SLC9A9: variants seen among roughly 807,000 people sequenced by gnomAD.
The protein encoded by SLC9A9 is sodium/hydrogen exchanger 9.
SLC9A9 carries 62 observed loss-of-function variants against 77.8 expected under a neutral mutation model. That is an observed-to-expected ratio of 0.80 (90% confidence interval 0.65 to 0.98). The LOEUF is 0.98. Among genes scored for constraint, SLC9A9 ranks in the 50% least tolerant of loss-of-function variants. SLC9A9 has a pLI of 0.00. For missense variants in SLC9A9, 775 were observed against 774.9 expected, an observed-to-expected ratio of 1.00 and a Z score of 0.00; for synonymous variants, 320 against 283.5, an observed-to-expected ratio of 1.13 and a Z score of -1.29.
chr3:143,480,185 G>C (rs571065343), intron 11 of SLC9A9, among the ~76,000 whole-genome samples: 1 of 152,282 alleles, frequency 6.6e-6, no homozygotes, highest in South Asian at 2.1e-4. Context: ...ATATTGTGGT[G>C]TGCCAAATAG....
intron 14 of SLC9A9, among the ~76,000 whole-genome samples, chr3:143,304,929 G>C (rs947851067): frequency 1.3e-5 from 2 of 152,144 alleles, no homozygotes; most frequent in African/African-American, 4.8e-5. Flanking sequence ...CCTCCTGCTG[G>C]TGTTTATAAC....
chr3:143,818,764 G>A (rs2009085814), intron 2 of SLC9A9, among the ~76,000 whole-genome samples: 1 of 152,082 alleles, frequency 6.6e-6, no homozygotes, highest in African/African-American at 2.4e-5. Context: ...AGAAAACTTA[G>A]TATTATGAAT....
At chr3:143,425,210 T>A (rs1247496368) in intron 12 of SLC9A9, among the ~76,000 whole-genome samples, 1 of 152,014 alleles carries the variant, frequency 6.6e-6, no homozygotes, top group African/African-American at 2.4e-5. Context: ...AACAGATATG[T>A]TTATAATCAT....
chr3:143,776,141 C>A (rs927147784), intron 4 of SLC9A9, among the ~76,000 whole-genome samples: 5 of 152,138 alleles, frequency 3.3e-5, no homozygotes, highest in Non-Finnish European at 5.9e-5. Context: ...CCACAATTTT[C>A]TGGCCTAATT....
intron 14 of SLC9A9, among the ~76,000 whole-genome samples, chr3:143,328,512 C>G (rs1489200700): frequency 6.6e-6 from 1 of 152,156 alleles, no homozygotes; most frequent in East Asian, 1.9e-4. Flanking sequence ...CTGGATAACC[C>G]TAACTGTGTT....
intron 12 of SLC9A9, among the ~76,000 whole-genome samples, chr3:143,394,195 A>T (rs560323494): frequency 6.6e-6 from 1 of 152,308 alleles, no homozygotes; most frequent in East Asian, 1.9e-4. Context: ...TCAATGCAAA[A>T]ATCCTCAATA....
chr3:143,527,417 T>C (rs988637773), intron 9 of SLC9A9, among the ~76,000 whole-genome samples: 11 of 152,310 alleles, frequency 7.2e-5, no homozygotes, highest in Non-Finnish European at 4.4e-5. Context: ...AAAAATTAGA[T>C]AACAGTAGCA....
At chr3:143,359,491 GA>G (rs2032681795) in intron 14 of SLC9A9, among the ~76,000 whole-genome samples, 1 of 152,140 alleles carries the variant, frequency 6.6e-6, no homozygotes. Context: ...AGAGGTAAAG[GA>G]AGGAAGCAAG....
intron 4 of SLC9A9, among the ~76,000 whole-genome samples, chr3:143,699,449 A>G (rs1051297124): frequency 6.6e-6 from 1 of 152,186 alleles, no homozygotes; most frequent in Non-Finnish European, 1.5e-5. Context: ...TGAAATGCCA[A>G]TGCCACTCCT....
intron 13 of SLC9A9, among the ~76,000 whole-genome samples, chr3:143,380,457 G>C (rs2033277749): frequency 2.2e-5 from 1 of 45,306 alleles, no homozygotes; most frequent in African/African-American, 1.3e-4. Context: ...ACAAAATTTA[G>C]ATAAAAGTTT....
chr3:143,420,559 T>C (rs188812669), intron 12 of SLC9A9, among the ~76,000 whole-genome samples: 1 of 148,362 alleles, frequency 6.7e-6, no homozygotes, highest in African/African-American at 2.4e-5. Flanking sequence ...ACATGATCAT[T>C]TTAACTTGTG....
At position 143,642,802 on chromosome 3, in the gene SLC9A9, T is replaced by C. The variant is rs190353508; in HGVS notation, c.755+9453A>G. On this transcript the variant is annotated intron_variant, in intron 6 of 15. Transcript: ENST00000316549. ...CTTTATATTCTGTTTCATCGCTGGG[T>C]TTAATATGACATTTATGTCATTCCC... Among the ~76,000 whole-genome samples the C allele has an allele frequency of 2.0e-5, 3 of 152,312 alleles. No homozygotes were observed. In the East Asian group the frequency reaches 5.8e-4, roughly 29 times the overall value.
At chr3:143,448,502 T>G (rs747780950) in intron 12 of SLC9A9, among the ~76,000 whole-genome samples, 25 of 152,106 alleles carry the variant, frequency 1.6e-4, no homozygotes, top group Non-Finnish European at 1.8e-4. Context: ...AGAAAATTGT[T>G]AGGCATCCTC....
At chr3:143,768,379 C>T (rs1266788067) in intron 4 of SLC9A9, among the ~76,000 whole-genome samples, 2 of 152,042 alleles carry the variant, frequency 1.3e-5, no homozygotes, top group African/African-American at 4.8e-5. Context: ...GTATTTTATG[C>T]CCAAGTTATA....
chr3:143,513,677 T>C (rs558378526), intron 9 of SLC9A9, among the ~76,000 whole-genome samples: 4 of 152,238 alleles, frequency 2.6e-5, no homozygotes, highest in Non-Finnish European at 4.4e-5. Context: ...TTGCAAAATG[T>C]ATTCCTTAAA....
At chr3:143,743,239 ATG>A (rs1491334970) in intron 4 of SLC9A9, among the ~76,000 whole-genome samples, 15 of 133,638 alleles carry the variant, frequency 1.1e-4, no homozygotes, top group East Asian at 4.3e-4. Flanking sequence ...GGATGGATGG[ATG>A]GATAGATAGA....
At chr3:143,649,566 T>A (rs1016956618) in intron 6 of SLC9A9, among the ~76,000 whole-genome samples, 1 of 152,192 alleles carries the variant, frequency 6.6e-6, no homozygotes, top group African/African-American at 2.4e-5. Flanking sequence ...ATAATAGGCT[T>A]CTTATATTAG....
At chr3:143,707,400 A>ACACACACACACC (rs549058822) in intron 4 of SLC9A9, among the ~76,000 whole-genome samples, 11 of 145,002 alleles carry the variant, frequency 7.6e-5, no homozygotes, top group African/African-American at 2.8e-4. Context: ...ACACACACAC[A>ACACACACACACC]CCCCAGCTGG....
intron 6 of SLC9A9, among the ~76,000 whole-genome samples, chr3:143,629,957 G>C (rs955410345): frequency 3.3e-5 from 5 of 151,992 alleles, no homozygotes; most frequent in African/African-American, 1.2e-4. Flanking sequence ...CAGCAGCAGA[G>C]AAATCATTTT....
Sources: gnomAD v4.1 joint callset for allele counts (sites outside exome capture counted in the v4.1 genomes callset) on GRCh38, gnomAD v4.1.1 for gene constraint, MANE v1.5 for transcripts, NCBI Gene and HGNC (gene_info 2026-07-23, HGNC 2026-07-21) for gene names.